Variants in FNBP4 observed in about 807,000 individuals in gnomAD.
The protein encoded by FNBP4 is formin-binding protein 4.
In FNBP4, 34 loss-of-function variants were observed where a neutral mutation model predicts 119.3. The observed-to-expected ratio is 0.28, with a 90% CI of 0.22 to 0.38. FNBP4 has a LOEUF of 0.38. FNBP4 is among the 10% of genes least tolerant of loss of function. FNBP4 has a pLI of 1.00. For missense variants in FNBP4, 1,112 were observed against 1,228.9 expected, an observed-to-expected ratio of 0.90 and a Z score of 1.42; for synonymous variants, 462 against 430.6, an observed-to-expected ratio of 1.07 and a Z score of -0.90.
chr11:47,725,804 T>C (rs1176595165), intron 12 of FNBP4: 1 of 982,644 alleles, frequency 1.0e-6, no homozygotes. Context: ...CTATTAGATA[T>C]ATATCCCAGG....
At chr11:47,727,295 G>A (rs1175646214) in intron 12 of FNBP4, among the ~76,000 whole-genome samples, 2 of 137,808 alleles carry the variant, frequency 1.5e-5, no homozygotes, top group African/African-American at 5.4e-5. Context: ...TCTTGTCCAC[G>A]CCGGAGTGCA....
intron 2 of FNBP4, among the ~76,000 whole-genome samples, chr11:47,761,843 CTT>C (rs879599577): frequency 2.8e-5 from 4 of 145,132 alleles, no homozygotes; most frequent in African/African-American, 2.5e-5. Context: ...AATTTAATTT[CTT>C]TTTTTTTTTT....
chr11:47,722,928 CA>C (rs1338950072), intron 15 of FNBP4, 47 bp downstream of exon 15: 1 of 1,449,816 alleles, frequency 6.9e-7, no homozygotes, highest in Non-Finnish European at 9.0e-7. Context: ...AATATAACCT[CA>C]ATAAAATTTT....
rs1023895 is a variant in FNBP4, at chr11:47,717,382, A to G, written c.*40T>C. ...TGGTTAAGACTTTGAACTGAACACA[A>G]AACAAACAATAATACAAAAAAGTTT... On this transcript the variant is annotated 3_prime_UTR_variant, in exon 17 of 17. Coordinates refer to ENST00000263773, the MANE Select transcript of FNBP4 (RefSeq NM_015308.5). 3.6e-6 allele frequency: 5 copies of G among 1,396,808 alleles called. No individual in the cohort carries two copies. Among genetic ancestry groups the G allele is most frequent in the South Asian group, 1.2e-5 (1 of 83,780 alleles). 86.5% of individuals were successfully genotyped at this position (1,396,808 alleles called of 1,614,324 possible).
At chr11:47,746,444 A>C in intron 6 of FNBP4, 50 bp from the exon 7 acceptor site, 39 of 1,403,374 alleles carry the variant, frequency 2.8e-5, no homozygotes, top group Middle Eastern at 1.8e-4. Context: ...AACAAATCTC[A>C]CCTGCACATA....
chr11:47,744,864 C>T (rs1224011929), intron 7 of FNBP4, among the ~76,000 whole-genome samples: 1 of 152,024 alleles, frequency 6.6e-6, no homozygotes, highest in Non-Finnish European at 1.5e-5. Flanking sequence ...TTGTATAAGT[C>T]TGAGTAATGT....
In FNBP4 at chr11:47,767,099, C is replaced by CGGCAGTCACCGCGGT. The variant is rs1565175056; in HGVS notation, c.175_189dup (p.Thr59_Ala63dup). The CGGCAGTCACCGCGGT allele has an allele frequency of 3.0e-5, 46 of 1,528,552 alleles. No homozygotes were observed. Among genetic ancestry groups the CGGCAGTCACCGCGGT allele is most frequent in the Non-Finnish European group, 3.9e-5 (45 of 1,143,172 alleles). The allele number at this position is 1,528,552 out of a possible 1,614,324, so 94.7% of individuals were successfully genotyped here. A position where few individuals can be genotyped will look rare whatever the true frequency, so the allele number is the denominator to read the frequency against. On this transcript the variant is annotated inframe_insertion, in exon 1 of 17. Transcript: ENST00000263773. ...GAAGGCGAGTCGTCCGAGGCCGCGG[C>CGGCAGTCACCGCGGT]GGCAGTCACCGCGGTGGTGGTGGTC... is the stretch of plus-strand genomic sequence containing the variant.
chr11:47,750,208 G>T (rs2097599219), intron 6 of FNBP4, among the ~76,000 whole-genome samples: 2 of 151,586 alleles, frequency 1.3e-5, no homozygotes, highest in African/African-American at 4.8e-5. Flanking sequence ...GTGAAACCCT[G>T]CCTCTAATAA....
intron 6 of FNBP4, 109 bp from the exon 7 acceptor site, chr11:47,746,503 C>A: frequency 9.8e-7 from 1 of 1,021,124 alleles, no homozygotes; most frequent in Non-Finnish European, 1.4e-6. Context: ...TAGCTGAATA[C>A]TCAAGGTAAA....
chr11:47,746,290 T>C lies in FNBP4; in HGVS notation c.1011A>G (p.Glu337=), dbSNP rs1460251113. 2 of 1,614,192 alleles carry C rather than the reference T, an allele frequency of 1.2e-6. No individual in the cohort carries two copies. Among genetic ancestry groups the C allele is most frequent in the African/African-American group, 2.7e-5 (2 of 75,078 alleles). The change falls in exon 7 of 17, where the codon GAA becomes GAG. Residue 337 remains glutamate (E), a synonymous_variant. Coordinates refer to ENST00000263773, the MANE Select transcript of FNBP4 (RefSeq NM_015308.5). ...APLLPEGIKE[E]EERWRRKVIC... The stretch of plus-strand genomic sequence containing the variant: ...TTACTTTTCTTCTCCATCTCTCTTC[T>C]TCTTCTTTTATTCCCTCAGGCAATA...
At position 47,767,188 on chromosome 11, in the gene FNBP4, TC is replaced by T; in HGVS notation, c.100del (p.Glu34AsnfsTer28). 1 of 1,560,846 alleles carries T rather than the reference TC, an allele frequency of 6.4e-7. No individual in the cohort carries two copies. The highest frequency in any genetic ancestry group is 8.6e-7 in the Non-Finnish European group (1 of 1,159,126). ...GGTTGAGTCCGGCTCAGTGTCGGGT[TC>T]CGGCTCCGGGTCCCGGCCCGGCGTG... ...GSTPGRDPEP[E>X]PDTEPDSTAA... On this transcript the variant is annotated frameshift_variant, in exon 1 of 17. Coordinates refer to ENST00000263773, the MANE Select transcript of FNBP4 (RefSeq NM_015308.5). LOFTEE classifies it high-confidence loss of function.
chr11:47,754,477 G>A, intron 3 of FNBP4, 51 bp downstream of exon 3: 1 of 1,591,944 alleles, frequency 6.3e-7, no homozygotes, highest in Non-Finnish European at 8.6e-7. Flanking sequence ...TTAAGATCCA[G>A]GTCCCAAAGT....
At chr11:47,736,921 C>A (rs1156820391) in intron 8 of FNBP4, among the ~76,000 whole-genome samples, 181 bp from the exon 9 acceptor site, 1 of 151,914 alleles carries the variant, frequency 6.6e-6, no homozygotes, top group African/African-American at 2.4e-5. Flanking sequence ...AAAAACAATT[C>A]AGGGCCGGGC....
Position 47,731,564 on chromosome 11 carries a change from AAATT to A in FNBP4, c.1821-7_1821-4del, listed in dbSNP as rs762338553. The A allele has an allele frequency of 6.3e-7, 1 of 1,595,138 alleles. No homozygotes were observed. Among genetic ancestry groups the A allele is most frequent in the African/African-American group, 1.4e-5 (1 of 73,542 alleles). The stretch of plus-strand genomic sequence containing the variant: ...CATAGAAATACCGTCTATGATCCCT[AAATT>A]ACAAGAAAGAAAACACATGTTTTAA... On this transcript the variant is annotated splice_region_variant and splice_polypyrimidine_tract_variant and intron_variant, in intron 11 of 16. Transcript: ENST00000263773.
At chr11:47,733,493 G>GC (rs2097570007) in intron 10 of FNBP4, among the ~76,000 whole-genome samples, 1 of 152,072 alleles carries the variant, frequency 6.6e-6, no homozygotes. Context: ...GTGCCACCAC[G>GC]CCCGGCTAAT....
At chr11:47,736,260 A>AC (rs386373779) in intron 9 of FNBP4, among the ~76,000 whole-genome samples, 1 of 148,120 alleles carries the variant, frequency 6.8e-6, no homozygotes. Flanking sequence ...AAAGAAAAAA[A>AC]AAAAAAATTT....
chr11:47,752,668 G>T, intron 4 of FNBP4: 1 of 342,540 alleles, frequency 2.9e-6, no homozygotes, highest in Admixed American at 4.1e-5. Flanking sequence ...AGAGAAATTA[G>T]CCAGGCATGG....
At chr11:47,752,776 T>C (rs2097606839) in intron 4 of FNBP4, 140 bp downstream of exon 4, 8 of 741,066 alleles carry the variant, frequency 1.1e-5, no homozygotes, top group African/African-American at 1.8e-5. Flanking sequence ...ATCGCGCCAG[T>C]GCACTCCAGC....
intron 16 of FNBP4, among the ~76,000 whole-genome samples, chr11:47,718,204 G>A (rs901127678): frequency 2.2e-4 from 34 of 151,388 alleles, no homozygotes; most frequent in African/African-American, 8.2e-4. Flanking sequence ...CAGGGACCCT[G>A]GGATCTAATG....
Sources: allele counts gnomAD v4.1 joint callset (sites outside exome capture counted in the v4.1 genomes callset), GRCh38; gene constraint gnomAD v4.1.1; transcripts MANE v1.5; gene names NCBI Gene and HGNC (gene_info 2026-07-23, HGNC 2026-07-21).